IER3IP1: variants seen among roughly 807,000 people sequenced by gnomAD.
IER3IP1 encodes the protein immediate early response 3 interacting protein 1.
Under a neutral mutation model 12.2 loss-of-function variants are expected in IER3IP1, and 16 were observed. The observed-to-expected ratio is 1.31, with a 90% CI of 0.89 to 1.99. The LOEUF (loss-of-function observed/expected upper bound fraction) is 1.99. Ranked by LOEUF, IER3IP1 falls within the 30% of genes most tolerant of loss-of-function variation. IER3IP1 has a pLI of 0.00. For synonymous variants in IER3IP1, 42 were observed against 40.0 expected, an observed-to-expected ratio of 1.05 and a Z score of -0.19; for missense variants, 95 against 95.8, an observed-to-expected ratio of 0.99 and a Z score of 0.03.
chr18:47,172,250 C>A lies in IER3IP1; in HGVS notation c.91+3937G>T, dbSNP rs548049357. ...CAAAACCACCACCATAAAACACACC[C>A]CCATATCCCTTCAAGCTACCTTTTC... On this transcript the variant is annotated intron_variant, in intron 1 of 2. Coordinates refer to ENST00000256433, the MANE Select transcript of IER3IP1 (RefSeq NM_016097.5). This position sits in a 1 kb window ranked among gnomAD's most constrained non-coding sequence, Gnocchi z 4.0. Among the ~76,000 whole-genome samples, 1 of 152,232 alleles carries A rather than the reference C, an allele frequency of 6.6e-6. No homozygotes were observed. The highest frequency in any genetic ancestry group is 2.1e-4 in the South Asian group (1 of 4,820).
chr18:47,174,579 G>T (rs2064025388), intron 1 of IER3IP1, among the ~76,000 whole-genome samples: 1 of 151,702 alleles, frequency 6.6e-6, no homozygotes, highest in African/African-American at 2.4e-5. Flanking sequence ...TGAGGCAGGA[G>T]AATCGCTTGA....
At position 47,172,021 on chromosome 18, in the gene IER3IP1, A is replaced by C. The variant is rs145071624; in HGVS notation, c.91+4166T>G. On this transcript the variant is annotated intron_variant, in intron 1 of 2. Coordinates refer to ENST00000256433, the MANE Select transcript of IER3IP1 (RefSeq NM_016097.5). This position sits in a 1 kb window ranked among gnomAD's most constrained non-coding sequence, Gnocchi z 4.0. ...GGTCTCGAACTCCTGACCTCAAGTG[A>C]TCCGCCCACCTTGGCCTCCCAAAGT... 0.052 allele frequency among the ~76,000 whole-genome samples: 7,978 copies of C among 152,150 alleles called. 256 individuals carry two copies. The highest frequency in any genetic ancestry group is 0.092 in the East Asian group (477 of 5,182).
chr18:47,157,296 A>G, intron 2 of IER3IP1, 140 bp downstream of exon 2: 3 of 679,396 alleles, frequency 4.4e-6, no homozygotes, highest in Admixed American at 2.8e-5. Flanking sequence ...AAAACCCAGT[A>G]ACTTTCAAGC....
At position 47,155,467 on chromosome 18, in the gene IER3IP1, CT is replaced by C; in HGVS notation, c.*709del. 6.6e-6 allele frequency: 1 copy of C among 152,166 alleles called. No individual in the cohort carries two copies. The highest frequency in any genetic ancestry group is 1.9e-4 in the East Asian group (1 of 5,188). 9.4% of individuals were successfully genotyped at this position (152,166 alleles called of 1,614,324 possible). A position where few individuals can be genotyped will look rare whatever the true frequency, so the allele number is the denominator to read the frequency against. On this transcript the variant is annotated 3_prime_UTR_variant, in exon 3 of 3. Transcript: ENST00000256433. ...AAATCATCATTGTAAAAAGGGCAGA[CT>C]TATAGATTTTTCTGACAATGAAAAT...
At chr18:47,160,473 G>A (rs1873268763) in intron 1 of IER3IP1, among the ~76,000 whole-genome samples, 1 of 152,204 alleles carries the variant, frequency 6.6e-6, no homozygotes, top group South Asian at 2.1e-4. Flanking sequence ...TGCTAACGCA[G>A]GCAAATGACA....
intron 1 of IER3IP1, among the ~76,000 whole-genome samples, chr18:47,166,139 A>G (rs1482743775): frequency 1.3e-5 from 2 of 152,286 alleles, no homozygotes; most frequent in East Asian, 3.9e-4. Flanking sequence ...AATTAACATC[A>G]TTGTGGAAAA....
At chr18:47,159,202 C>T (rs1002606629) in intron 1 of IER3IP1, among the ~76,000 whole-genome samples, 5 of 152,166 alleles carry the variant, frequency 3.3e-5, no homozygotes, top group Admixed American at 3.3e-4. Context: ...AGTAAGTGTG[C>T]TCACCTAGCT....
rs139487249 is a variant in IER3IP1 at position 47,160,649 on chromosome 18, C to G, written c.92-3112G>C. The stretch of plus-strand genomic sequence containing the variant: ...TGTTTATACCCAAAAACACACTAAT[C>G]CCTTCCCCAAAATTCAGCTTTCAAG... On this transcript the variant is annotated intron_variant, in intron 1 of 2. Coordinates refer to ENST00000256433, the MANE Select transcript of IER3IP1 (RefSeq NM_016097.5). Among the ~76,000 whole-genome samples, 264 of 152,256 alleles carry G rather than the reference C, an allele frequency of 1.7e-3. 1 individual carries two copies. Among genetic ancestry groups the G allele is most frequent in the African/African-American group, 6.2e-3 (258 of 41,552 alleles).
intron 2 of IER3IP1, 138 bp downstream of exon 2, chr18:47,157,298 C>T: frequency 8.2e-6 from 5 of 610,710 alleles, no homozygotes; most frequent in African/African-American, 1.9e-5. Flanking sequence ...AACCCAGTAA[C>T]TTTCAAGCAG....
At chr18:47,157,194 C>A in intron 2 of IER3IP1, 1 of 513,814 alleles carries the variant, frequency 1.9e-6, no homozygotes, top group Non-Finnish European at 3.4e-6. Context: ...TGACAGGTAA[C>A]ACACAAACAG....
intron 2 of IER3IP1, 24 bp from the exon 3 acceptor site, chr18:47,156,256 T>C (rs1469560031): frequency 7.1e-7 from 1 of 1,404,918 alleles, no homozygotes; most frequent in South Asian, 1.2e-5. Flanking sequence ...AAAAAAAGTT[T>C]GTTACTATAA....
chr18:47,176,319 C>T lies in IER3IP1; in HGVS notation c.-42G>A, dbSNP rs771163432. 32 of 1,538,220 alleles carry T rather than the reference C, an allele frequency of 2.1e-5. No homozygotes were observed. The highest frequency in any genetic ancestry group is 2.8e-5 in the Non-Finnish European group (32 of 1,129,972). On this transcript the variant is annotated 5_prime_UTR_variant, in exon 1 of 3. Coordinates refer to ENST00000256433, the MANE Select transcript of IER3IP1 (RefSeq NM_016097.5). ...CCCGAAGTCCAAGCGATTTCTCTCC[C>T]GCCGCCGCAAGGGACGTGGCGCCTC... is the stretch of plus-strand genomic sequence containing the variant.
chr18:47,173,867 T>C (rs549902988), intron 1 of IER3IP1, among the ~76,000 whole-genome samples: 20 of 152,208 alleles, frequency 1.3e-4, no homozygotes, highest in Non-Finnish European at 2.9e-4. Flanking sequence ...CCTTGTCTTA[T>C]ATATGCATCA....
chr18:47,165,552 CAAAA>C (rs34723400), intron 1 of IER3IP1, among the ~76,000 whole-genome samples: 2 of 122,234 alleles, frequency 1.6e-5, no homozygotes. Flanking sequence ...GACTCTGTCT[CAAAA>C]AAAAAAAAAA....
At position 47,164,988 on chromosome 18, in the gene IER3IP1, C is replaced by T. The variant is rs141162020; in HGVS notation, c.92-7451G>A. On this transcript the variant is annotated intron_variant, in intron 1 of 2. Coordinates refer to ENST00000256433, the MANE Select transcript of IER3IP1 (RefSeq NM_016097.5). ...TGTCCAGACTTCAAAAAGTCACATACAAAATGGCAATCCATCCAGGCTCAG... is the reference window on the plus strand; with the variant it reads ...TGTCCAGACTTCAAAAAGTCACATATAAAATGGCAATCCATCCAGGCTCAG... Among the ~76,000 whole-genome samples, 49 of 152,292 alleles carry T rather than the reference C, an allele frequency of 3.2e-4. 1 individual carries two copies. Among genetic ancestry groups the T allele is most frequent in the African/African-American group, 1.0e-3 (43 of 41,574 alleles).
chr18:47,164,382 G>A (rs1048122752), intron 1 of IER3IP1, among the ~76,000 whole-genome samples: 1 of 152,038 alleles, frequency 6.6e-6, no homozygotes, highest in Admixed American at 6.6e-5. Context: ...TCAGGGGCCA[G>A]GGATTATCTT....
rs566448964 is a variant in IER3IP1, at chr18:47,171,602, A to G, written c.91+4585T>C. On this transcript the variant is annotated intron_variant, in intron 1 of 2. Coordinates refer to ENST00000256433, the MANE Select transcript of IER3IP1 (RefSeq NM_016097.5). ...AGTCAGTCTAGCTAAAGACTTGTCAATTTTGTCAAGGAATCAGCTTTTGGT... is the reference window on the plus strand; with the variant it reads ...AGTCAGTCTAGCTAAAGACTTGTCAGTTTTGTCAAGGAATCAGCTTTTGGT... Among the ~76,000 whole-genome samples the G allele has an allele frequency of 2.6e-5, 4 of 152,282 alleles. No individual in the cohort carries two copies. In the South Asian group the frequency reaches 6.2e-4, roughly 24 times the overall value.
intron 1 of IER3IP1, among the ~76,000 whole-genome samples, chr18:47,175,638 T>G (rs1320072502): frequency 6.6e-6 from 1 of 152,108 alleles, no homozygotes; most frequent in East Asian, 1.9e-4. Flanking sequence ...AATCTTTGTA[T>G]TTTTAGTAGA....
At chr18:47,162,475 T>G (rs1311814312) in intron 1 of IER3IP1, among the ~76,000 whole-genome samples, 3 of 152,112 alleles carry the variant, frequency 2.0e-5, no homozygotes, top group Non-Finnish European at 4.4e-5. Flanking sequence ...TGAACATCCT[T>G]AGATAAAAGC....
Sources: gnomAD v4.1 joint callset for allele counts (sites outside exome capture counted in the v4.1 genomes callset) on GRCh38, gnomAD v4.1.1 for gene constraint, Gnocchi (gnomAD v3.1) non-coding constraint, MANE v1.5 for transcripts, NCBI Gene and HGNC (gene_info 2026-07-23, HGNC 2026-07-21) for gene names.